SMARCC1: variants seen among roughly 807,000 people sequenced by gnomAD.
SMARCC1 encodes SWI/SNF complex subunit SMARCC1.
Under a neutral mutation model 147.4 loss-of-function variants are expected in SMARCC1, and 43 were observed. The observed-to-expected ratio is 0.29, with a 90% CI of 0.23 to 0.38. The LOEUF is 0.38. SMARCC1 is among the 10% of genes least tolerant of loss of function. The pLI, the probability that SMARCC1 is intolerant of heterozygous loss-of-function variation, is 1.00. For missense variants in SMARCC1, 1,119 were observed against 1,381.1 expected (o/e 0.81, Z 3.01); for synonymous variants, 495 against 484.4 (o/e 1.02, Z -0.29).
chr3:47,664,300 G>A (rs1364015460), intron 19 of SMARCC1, among the ~76,000 whole-genome samples: 2 of 151,680 alleles, frequency 1.3e-5, no homozygotes, highest in African/African-American at 2.4e-5. Context: ...AGAACTCAAA[G>A]ACCCAAATAA....
intron 1 of SMARCC1, 23 bp downstream of exon 1, chr3:47,781,580 C>T (rs1431181447): frequency 1.3e-6 from 2 of 1,497,160 alleles, no homozygotes; most frequent in African/African-American, 1.5e-5. Flanking sequence ...GGTCTCCCGG[C>T]CCCCACGGGC....
At position 47,638,622 on chromosome 3, in the gene SMARCC1, A is replaced by G; in HGVS notation, c.2376+103T>C. The G allele has an allele frequency of 5.2e-6, 4 of 770,126 alleles. No individual in the cohort carries two copies. In the South Asian group the frequency reaches 6.0e-5, roughly 11 times the overall value. The allele number at this position is 770,126 out of a possible 1,614,324, so 47.7% of individuals were successfully genotyped here. A position where few individuals can be genotyped will look rare whatever the true frequency, so the allele number is the denominator to read the frequency against. On this transcript the variant is annotated intron_variant, in intron 22 of 27. Transcript: ENST00000254480. ...CCAGCAAAGTCCAAGTAGCTGATAG[A>G]ATTATTTAGAGTCCCCTAAGAGGGA...
At chr3:47,662,218 G>T in intron 20 of SMARCC1, 116 bp downstream of exon 20, 1 of 878,300 alleles carries the variant, frequency 1.1e-6, no homozygotes, top group Non-Finnish European at 1.8e-6. Flanking sequence ...ATCTTTCACA[G>T]GTAATATCTG....
intron 25 of SMARCC1, among the ~76,000 whole-genome samples, chr3:47,613,568 C>A (rs1296527402): frequency 1.3e-5 from 2 of 152,130 alleles, no homozygotes; most frequent in African/African-American, 4.8e-5. Context: ...CCATGTTGGC[C>A]AGACTGGTCT....
chr3:47,719,189 C>G (rs2034200145), intron 7 of SMARCC1, among the ~76,000 whole-genome samples: 1 of 151,982 alleles, frequency 6.6e-6, no homozygotes, highest in Non-Finnish European at 1.5e-5. Flanking sequence ...ACTGGGATTA[C>G]AGGTGTGAGC....
In SMARCC1 at chr3:47,726,106, A is replaced by G. The variant is rs1005643523; in HGVS notation, c.646+2919T>C. Among the ~76,000 whole-genome samples the G allele has an allele frequency of 2.8e-5, 4 of 144,582 alleles. No homozygotes were observed. In the East Asian group the frequency reaches 6.3e-4, roughly 23 times the overall value. 94.9% of individuals were successfully genotyped at this position (144,582 alleles called of 152,430 possible). ...AGGTGAATTTCATGGTATGTGGATTATATCTCAATTAGCCTGTTATTAAAA... is the reference window on the plus strand; with the variant it reads ...AGGTGAATTTCATGGTATGTGGATTGTATCTCAATTAGCCTGTTATTAAAA... On this transcript the variant is annotated intron_variant, in intron 6 of 27. Coordinates refer to ENST00000254480, the MANE Select transcript of SMARCC1 (RefSeq NM_003074.4).
chr3:47,663,205 G>GAA, intron 19 of SMARCC1, among the ~76,000 whole-genome samples: 2 of 65,304 alleles, frequency 3.1e-5, no homozygotes, highest in African/African-American at 1.1e-4. Flanking sequence ...GGGTGGGGAG[G>GAA]GGAGGGGAGG....
At chr3:47,664,502 A>C (rs141125716) in intron 19 of SMARCC1, among the ~76,000 whole-genome samples, 1 of 152,282 alleles carries the variant, frequency 6.6e-6, no homozygotes, top group African/African-American at 2.4e-5. Flanking sequence ...TTATTTTTTC[A>C]GAGAAAATCC....
intron 21 of SMARCC1, among the ~76,000 whole-genome samples, chr3:47,645,347 G>A (rs1341838953): frequency 1.3e-5 from 2 of 149,906 alleles, no homozygotes; most frequent in Non-Finnish European, 3.0e-5. Flanking sequence ...CAGTGAGTAT[G>A]AGCAGACATT....
chr3:47,661,405 G>T lies in SMARCC1; in HGVS notation c.2209C>A (p.His737Asn). 6.2e-7 allele frequency: 1 copy of T among 1,613,572 alleles called. No individual in the cohort carries two copies. The highest frequency in any genetic ancestry group is 8.5e-7 in the Non-Finnish European group (1 of 1,179,844). Residue 737 changes from histidine to asparagine, a missense_variant, in exon 21 of 28, where the codon CAT becomes AAT. His to Asn is a moderately conservative substitution (Grantham distance 68, BLOSUM62 1). Transcript: ENST00000254480. Reference sequence around the variant, plus strand: ...GCTGCTTCTTGTACTTTCTTGACATGAGCTTCAACCAATTCCAGTGGTACC... The same window carrying T: ...GCTGCTTCTTGTACTTTCTTGACATTAGCTTCAACCAATTCCAGTGGTACC... Reference protein sequence around the residue: ...EEVPLELVEAHVKKVQEAARA... With the variant: ...EEVPLELVEANVKKVQEAARA...
At chr3:47,636,923 A>C (rs1488274345) in intron 22 of SMARCC1, among the ~76,000 whole-genome samples, 1 of 152,218 alleles carries the variant, frequency 6.6e-6, no homozygotes, top group Non-Finnish European at 1.5e-5. Context: ...ATGCTGCTGG[A>C]AAAGTTGACA....
chr3:47,684,543 C>T (rs1454126962), intron 14 of SMARCC1, among the ~76,000 whole-genome samples: 4 of 151,222 alleles, frequency 2.6e-5, no homozygotes, highest in African/African-American at 9.7e-5. Flanking sequence ...TGGGTTCAAG[C>T]GATTCTCCTG....
At chr3:47,609,056 T>C (rs1000308605) in intron 26 of SMARCC1, among the ~76,000 whole-genome samples, 13 of 152,096 alleles carry the variant, frequency 8.5e-5, no homozygotes, top group Admixed American at 2.0e-4. Context: ...GGTGAATTAT[T>C]ACATAGATTT....
At chr3:47,753,088 G>A (rs756186329) in intron 2 of SMARCC1, among the ~76,000 whole-genome samples, 6 of 152,144 alleles carry the variant, frequency 3.9e-5, no homozygotes, top group African/African-American at 7.2e-5. Context: ...GCTCACGCCT[G>A]TAATCTCAGC....
At chr3:47,682,225 G>C (rs2033653370) in intron 14 of SMARCC1, among the ~76,000 whole-genome samples, 1 of 151,156 alleles carries the variant, frequency 6.6e-6, no homozygotes, top group African/African-American at 2.4e-5. Flanking sequence ...AACCCGGAAG[G>C]CGGAGCTTGC....
intron 27 of SMARCC1, 26 bp from the exon 28 acceptor site, chr3:47,588,332 G>A (rs373004315): frequency 9.4e-6 from 15 of 1,595,628 alleles, no homozygotes; most frequent in East Asian, 6.7e-5. Flanking sequence ...AGAGTAACTC[G>A]TTATTGCTGG....
intron 25 of SMARCC1, among the ~76,000 whole-genome samples, chr3:47,615,647 T>A (rs183572256): frequency 6.6e-6 from 1 of 152,290 alleles, no homozygotes; most frequent in Non-Finnish European, 1.5e-5. Flanking sequence ...TCCCTAATAG[T>A]CCCTCTTTTC....
chr3:47,695,756 C>G (rs2033841320), intron 11 of SMARCC1, among the ~76,000 whole-genome samples: 1 of 106,260 alleles, frequency 9.4e-6, no homozygotes, highest in African/African-American at 4.2e-5. Flanking sequence ...GAGCAAGATT[C>G]TGTCTCAAAA....
intron 2 of SMARCC1, among the ~76,000 whole-genome samples, chr3:47,763,677 T>C (rs1559666463): frequency 6.6e-6 from 1 of 151,738 alleles, no homozygotes; most frequent in African/African-American, 2.4e-5. Flanking sequence ...ATATACAGTA[T>C]TCTGTTTTAT....
Sources: gnomAD v4.1 joint callset for allele counts (sites outside exome capture counted in the v4.1 genomes callset) on GRCh38, gnomAD v4.1.1 for gene constraint, MANE v1.5 for transcripts, NCBI Gene and HGNC (gene_info 2026-07-23, HGNC 2026-07-21) for gene names.